Variants in ME1 observed in about 807,000 individuals in gnomAD.
ME1 encodes the protein NADP-dependent malic enzyme.
Under a neutral mutation model 66.4 loss-of-function variants are expected in ME1, and 74 were observed. The ratio of observed to expected loss-of-function variants is 1.11; its 90% CI spans 0.92 to 1.35. ME1 has a LOEUF of 1.35. Among genes scored for constraint, ME1 ranks in the 40% most tolerant of loss-of-function variants. The pLI is 0.00. For synonymous variants in ME1, 251 were observed against 235.6 expected (o/e 1.07, Z -0.60); for missense variants, 750 against 694.1 (o/e 1.08, Z -0.90).
intron 5 of ME1, among the ~76,000 whole-genome samples, chr6:83,323,883 C>G (rs1382486228): frequency 6.6e-6 from 1 of 152,152 alleles, no homozygotes; most frequent in African/African-American, 2.4e-5. Flanking sequence ...ACAGAGTATA[C>G]ATTCTTCTTA....
chr6:83,378,038 C>T (rs1176127494), intron 3 of ME1, among the ~76,000 whole-genome samples: 1 of 151,514 alleles, frequency 6.6e-6, no homozygotes, highest in African/African-American at 2.4e-5. Flanking sequence ...TGCCCCATAC[C>T]CAGGGGAGGA....
In ME1 at chr6:83,404,599, T is replaced by A. The variant is rs570257447; in HGVS notation, c.212+3169A>T. Among the ~76,000 whole-genome samples, 13 of 152,296 alleles carry A rather than the reference T, an allele frequency of 8.5e-5. No homozygotes were observed. The South Asian group carries it at 2.7e-3, about 32-fold the overall frequency. On this transcript the variant is annotated intron_variant, in intron 2 of 13. Coordinates refer to ENST00000369705, the MANE Select transcript of ME1 (RefSeq NM_002395.6). ...TCTTTGCCCATGCCTATGTCCTGAA[T>A]GTATTGCCTAGGTTTTCTTCCAGGG...
chr6:83,232,571 A>C (rs910073164), intron 9 of ME1, among the ~76,000 whole-genome samples: 18 of 152,150 alleles, frequency 1.2e-4, no homozygotes, highest in African/African-American at 3.9e-4. Context: ...ATCATACTCT[A>C]TTTGAAATAA....
chr6:83,357,931 CTCTCTA>C (rs1219811591), intron 3 of ME1, among the ~76,000 whole-genome samples: 167 of 51,708 alleles, frequency 3.2e-3, no homozygotes, highest in Non-Finnish European at 4.9e-3. Flanking sequence ...CTCTCTCTCT[CTCTCTA>C]TATATATATA....
At chr6:83,307,009 C>G (rs1049101840) in intron 6 of ME1, among the ~76,000 whole-genome samples, 1 of 151,982 alleles carries the variant, frequency 6.6e-6, no homozygotes, top group Non-Finnish European at 1.5e-5. Context: ...AAACCATGTT[C>G]AGAATGAAAC....
chr6:83,430,744 G>A (rs1017717548), intron 1 of ME1, 133 bp downstream of exon 1: 22 of 716,014 alleles, frequency 3.1e-5, no homozygotes, highest in Admixed American at 1.2e-4. Context: ...AGGCCCCCCA[G>A]GCCGCGGCCG....
intron 6 of ME1, among the ~76,000 whole-genome samples, chr6:83,255,309 G>C (rs1766745975): frequency 6.6e-6 from 1 of 151,604 alleles, no homozygotes; most frequent in African/African-American, 2.4e-5. Flanking sequence ...ATTAAGAATA[G>C]TACCTTCTGT....
Position 83,211,605 on chromosome 6 carries a change from A to G in ME1, c.*319T>C, listed in dbSNP as rs1029585645. 5.2e-5 allele frequency: 9 copies of G among 172,062 alleles called. No individual in the cohort carries two copies. Among genetic ancestry groups the G allele is most frequent in the Admixed American group, 3.8e-4 (6 of 15,856 alleles). The allele number at this position is 172,062 out of a possible 1,614,324, so 10.7% of individuals were successfully genotyped here. ...GTTTTAATGTTGGTTATGTCAATTT[A>G]TTAGTAATTTTGGTCTTCCCATTAG... On this transcript the variant is annotated 3_prime_UTR_variant, in exon 14 of 14. Transcript: ENST00000369705.
At chr6:83,421,084 T>C (rs1377675259) in intron 1 of ME1, among the ~76,000 whole-genome samples, 1 of 152,178 alleles carries the variant, frequency 6.6e-6, no homozygotes, top group East Asian at 1.9e-4. Context: ...GAACTTGCTC[T>C]TCTCCTTCAC....
chr6:83,379,846 T>C (rs995038132), intron 3 of ME1, among the ~76,000 whole-genome samples: 2 of 152,140 alleles, frequency 1.3e-5, no homozygotes, highest in African/African-American at 4.8e-5. Context: ...ATTTGAATTG[T>C]AGATAAATCA....
intron 6 of ME1, among the ~76,000 whole-genome samples, chr6:83,313,396 A>T (rs548901808): frequency 1.0e-3 from 149 of 146,624 alleles, no homozygotes; most frequent in African/African-American, 3.3e-3. Flanking sequence ...TTCCACATTT[A>T]AAAAAAAAAC....
chr6:83,407,728 C>A, intron 2 of ME1, 40 bp downstream of exon 2: 1 of 1,522,990 alleles, frequency 6.6e-7, no homozygotes, highest in Non-Finnish European at 8.8e-7. Flanking sequence ...TAGACAACTG[C>A]ATAAGAGAAA....
intron 3 of ME1, among the ~76,000 whole-genome samples, chr6:83,371,782 A>T (rs566401264): frequency 8.7e-4 from 133 of 152,262 alleles, no homozygotes; most frequent in African/African-American, 3.1e-3. Context: ...TACTACTGAA[A>T]ATCTGTCACT....
chr6:83,249,121 AC>A (rs773114604), intron 7 of ME1, among the ~76,000 whole-genome samples: 2 of 152,212 alleles, frequency 1.3e-5, no homozygotes, highest in Admixed American at 6.5e-5. Flanking sequence ...TTGACCAATT[AC>A]TTTCATGTAT....
intron 6 of ME1, among the ~76,000 whole-genome samples, chr6:83,269,475 T>C (rs1767048785): frequency 6.6e-6 from 1 of 152,162 alleles, no homozygotes; most frequent in South Asian, 2.1e-4. Flanking sequence ...GTGGAGGTAT[T>C]ATGAAGTAGT....
At chr6:83,219,661 C>T (rs1001117803) in intron 12 of ME1, among the ~76,000 whole-genome samples, 3 of 151,802 alleles carry the variant, frequency 2.0e-5, no homozygotes, top group African/African-American at 4.8e-5. Context: ...TGTAGGCAAT[C>T]TCCCTTAGCT....
At chr6:83,306,523 C>A (rs1262801793) in intron 6 of ME1, among the ~76,000 whole-genome samples, 2 of 152,058 alleles carry the variant, frequency 1.3e-5, no homozygotes, top group South Asian at 2.1e-4. Context: ...TAAAATGTTT[C>A]TTTTCTTTAG....
intron 6 of ME1, among the ~76,000 whole-genome samples, chr6:83,290,795 C>A (rs1236896828): frequency 6.6e-6 from 1 of 152,166 alleles, no homozygotes; most frequent in African/African-American, 2.4e-5. Flanking sequence ...CTTTATGAAT[C>A]TGGGTGCTCC....
intron 4 of ME1, among the ~76,000 whole-genome samples, chr6:83,347,436 A>G (rs1262681480): frequency 6.6e-6 from 1 of 152,196 alleles, no homozygotes; most frequent in East Asian, 1.9e-4. Context: ...ACAAACTGCT[A>G]CACTCATCAT....
Sources: gnomAD v4.1 joint callset for allele counts (sites outside exome capture counted in the v4.1 genomes callset) on GRCh38, gnomAD v4.1.1 for gene constraint, MANE v1.5 for transcripts, NCBI Gene and HGNC (gene_info 2026-07-23, HGNC 2026-07-21) for gene names.